Variants in NALCN observed in about 807,000 individuals in gnomAD.
The protein encoded by NALCN is sodium leak channel NALCN.
In NALCN, 111 loss-of-function variants were observed where a neutral mutation model predicts 225.3. The observed-to-expected ratio is 0.49, with a 90% CI of 0.42 to 0.58. The LOEUF (loss-of-function observed/expected upper bound fraction) is 0.58, where lower values mean the gene tolerates loss of function less well. Ranked by LOEUF, NALCN falls within the 20% of genes least tolerant of loss-of-function variation. The pLI is 0.00. For synonymous variants in NALCN, 764 were observed against 769.0 expected (o/e 0.99, Z 0.11); for missense variants, 1,378 against 2,202.4 (o/e 0.63, Z 7.49).
intron 41 of NALCN, among the ~76,000 whole-genome samples, chr13:101,061,620 G>A (rs935233077): frequency 6.6e-6 from 1 of 152,100 alleles, no homozygotes. Context: ...CCTCAAGTGA[G>A]TTGAGCTCCC....
At chr13:101,322,067 GA>G (rs900043267) in intron 7 of NALCN, among the ~76,000 whole-genome samples, 6 of 152,102 alleles carry the variant, frequency 3.9e-5, no homozygotes, top group African/African-American at 1.4e-4. Context: ...AATTCATTGG[GA>G]AAACTAGAGG....
At chr13:101,163,646 C>T (rs1039011809) in intron 15 of NALCN, among the ~76,000 whole-genome samples, 8 of 152,082 alleles carry the variant, frequency 5.3e-5, no homozygotes, top group African/African-American at 1.4e-4. Flanking sequence ...TCCAAGGGTA[C>T]GTCCATTGTT....
rs1278371508 is a variant in NALCN, at chr13:101,415,206, C to CATATATATAT, written c.-40+1106_-40+1107insATATATATAT. Among the ~76,000 whole-genome samples, 141 of 104,818 alleles carry CATATATATAT rather than the reference C, an allele frequency of 1.3e-3. 5 individuals carry two copies. Among genetic ancestry groups the CATATATATAT allele is most frequent in the Middle Eastern group, 0.01 (2 of 200 alleles). The allele number at this position is 104,818 out of a possible 152,430, so 68.8% of individuals were successfully genotyped here. On this transcript the variant is annotated intron_variant, in intron 1 of 43. Coordinates refer to ENST00000251127, the MANE Select transcript of NALCN (RefSeq NM_052867.4). ...TGTAGTTATGAACATACAAATCACA[C>CATATATATAT]ACATATATATATATATATACATACA...
At chr13:101,140,735 G>A (rs188870523) in intron 17 of NALCN, among the ~76,000 whole-genome samples, 5 of 152,164 alleles carry the variant, frequency 3.3e-5, no homozygotes, top group African/African-American at 9.7e-5. Flanking sequence ...GATTATAACT[G>A]TGAAGAAGAG....
intron 11 of NALCN, among the ~76,000 whole-genome samples, chr13:101,251,579 C>T (rs556293381): frequency 2.6e-5 from 4 of 151,856 alleles, no homozygotes; most frequent in African/African-American, 9.7e-5. Flanking sequence ...GAAATACTTT[C>T]TAATTAAGAA....
chr13:101,284,491 C>T (rs2043273182), intron 9 of NALCN, among the ~76,000 whole-genome samples: 1 of 152,118 alleles, frequency 6.6e-6, no homozygotes, highest in Admixed American at 6.5e-5. Context: ...ACCCTCAAGG[C>T]TGAACAGGAG....
intron 30 of NALCN, among the ~76,000 whole-genome samples, chr13:101,084,029 G>A (rs979098303): frequency 3.3e-5 from 5 of 152,122 alleles, no homozygotes; most frequent in East Asian, 3.9e-4. Flanking sequence ...AGCAGCCTTC[G>A]ACTTGTATCT....
intron 6 of NALCN, among the ~76,000 whole-genome samples, chr13:101,360,698 A>C (rs142878962): frequency 0.011 from 1,673 of 152,304 alleles, 32 homozygotes; most frequent in African/African-American, 0.038. Context: ...ATCTCTAGAA[A>C]TAAGAACATG....
intron 20 of NALCN, among the ~76,000 whole-genome samples, 195 bp from the exon 21 acceptor site, chr13:101,107,984 T>A (rs1264661007): frequency 6.7e-6 from 1 of 148,632 alleles, no homozygotes; most frequent in Admixed American, 6.7e-5. Context: ...ATACTAAATG[T>A]ATATATTTAC....
In NALCN at chr13:101,083,136, T is replaced by C; in HGVS notation, c.3646A>G (p.Ile1216Val). The C allele has an allele frequency of 2.5e-6, 4 of 1,614,150 alleles. No homozygotes were observed. Among genetic ancestry groups the C allele is most frequent in the Admixed American group, 1.7e-5 (1 of 60,022 alleles). Residue 1216 changes from isoleucine (I) to valine (V), a missense_variant, in exon 32 of 44, where the codon ATC becomes GTC. Physicochemically the swap from Ile to Val is conservative, Grantham distance 29. Transcript: ENST00000251127. ...ITQHPFFKRT[I>V]ALLVLAQSVL... The stretch of plus-strand genomic sequence containing the variant: ...GACTGGGCCAGGACGAGTAATGCGA[T>C]TGTCCTCTTAAAAAATGGATGCTGG...
At chr13:101,172,842 C>T (rs1406530995) in intron 15 of NALCN, among the ~76,000 whole-genome samples, 1 of 152,166 alleles carries the variant, frequency 6.6e-6, no homozygotes, top group Non-Finnish European at 1.5e-5. Flanking sequence ...GCTGGGATTA[C>T]AGGTGTGAGC....
chr13:101,314,627 G>A (rs1199850299), intron 7 of NALCN, among the ~76,000 whole-genome samples: 2 of 152,004 alleles, frequency 1.3e-5, no homozygotes, highest in Non-Finnish European at 2.9e-5. Context: ...ATAAACCCAG[G>A]AATCACTCAG....
intron 7 of NALCN, among the ~76,000 whole-genome samples, chr13:101,317,564 C>T (rs2044595159): frequency 6.6e-6 from 1 of 152,190 alleles, no homozygotes; most frequent in Non-Finnish European, 1.5e-5. Flanking sequence ...CCTCTGTGAT[C>T]CACCTGATCT....
At position 101,176,919 on chromosome 13, in the gene NALCN, C is replaced by A. The variant is rs12020054; in HGVS notation, c.1765-545G>T. ...TGCCTTTGTGTAGTTCCCTTCCACA[C>A]TGAATATGTCTGGCCTGTGTCATCA... is the stretch of plus-strand genomic sequence containing the variant. On this transcript the variant is annotated intron_variant, in intron 14 of 43. Transcript: ENST00000251127. 3.3e-5 allele frequency among the ~76,000 whole-genome samples: 5 copies of A among 152,198 alleles called. No homozygotes were observed. The East Asian group carries it at 5.8e-4, about 18-fold the overall frequency.
intron 18 of NALCN, among the ~76,000 whole-genome samples, chr13:101,112,210 A>G (rs2035479639): frequency 6.6e-6 from 1 of 150,734 alleles, no homozygotes; most frequent in African/African-American, 2.4e-5. Context: ...AAAAAAAAAA[A>G]GCACACAGTT....
intron 7 of NALCN, among the ~76,000 whole-genome samples, chr13:101,332,198 A>G (rs183142511): frequency 2.6e-5 from 4 of 152,274 alleles, no homozygotes; most frequent in African/African-American, 9.6e-5. Context: ...AGCTGTTTTG[A>G]GAAGATAATA....
intron 14 of NALCN, among the ~76,000 whole-genome samples, chr13:101,184,192 G>A (rs1349589039): frequency 6.6e-6 from 1 of 152,180 alleles, no homozygotes; most frequent in African/African-American, 2.4e-5. Flanking sequence ...GCTAAGGTAT[G>A]TTTAGCATTG....
chr13:101,273,211 T>C (rs1458103015), intron 10 of NALCN, among the ~76,000 whole-genome samples: 1 of 152,194 alleles, frequency 6.6e-6, no homozygotes, highest in Admixed American at 6.5e-5. Context: ...AACTCCTACC[T>C]GAGCAGCAGC....
intron 10 of NALCN, among the ~76,000 whole-genome samples, chr13:101,280,292 G>A (rs2043124216): frequency 6.6e-6 from 1 of 152,096 alleles, no homozygotes; most frequent in Admixed American, 6.5e-5. Flanking sequence ...CAGTTTCTAA[G>A]CATATGAGTC....
Sources: allele counts gnomAD v4.1 joint callset (sites outside exome capture counted in the v4.1 genomes callset), GRCh38; gene constraint gnomAD v4.1.1; transcripts MANE v1.5; gene names NCBI Gene and HGNC (gene_info 2026-07-23, HGNC 2026-07-21).